Variants in KIF5B observed in about 807,000 individuals in gnomAD.
KIF5B encodes the protein kinesin-1 heavy chain.
In KIF5B, 49 loss-of-function variants were observed where a neutral mutation model predicts 132.8. The ratio of observed to expected loss-of-function variants is 0.37; its 90% CI spans 0.29 to 0.47. KIF5B has a LOEUF of 0.47. Ranked by LOEUF, KIF5B falls within the 20% of genes least tolerant of loss-of-function variation. The pLI is 1.00. For synonymous variants in KIF5B, 355 were observed against 369.4 expected, an observed-to-expected ratio of 0.96 and a Z score of 0.45; for missense variants, 780 against 1,144.0, an observed-to-expected ratio of 0.68 and a Z score of 4.59.
At chr10:32,028,385 T>C in intron 15 of KIF5B, 43 bp downstream of exon 15, 1 of 1,499,388 alleles carries the variant, frequency 6.7e-7, no homozygotes, top group Non-Finnish European at 9.2e-7. Context: ...AAAGTGCCAG[T>C]GTATACAGAT....
intron 15 of KIF5B, among the ~76,000 whole-genome samples, chr10:32,027,453 C>G (rs1841347751): frequency 1.3e-5 from 2 of 149,172 alleles, no homozygotes; most frequent in African/African-American, 4.9e-5. Context: ...AAACTGAAAA[C>G]TCTAGAGTTC....
In KIF5B at chr10:32,056,089, T is replaced by TGCGCC. The variant is rs768390316; in HGVS notation, c.-121_-117dup. The TGCGCC allele has an allele frequency of 7.1e-6, 9 of 1,267,748 alleles. No individual in the cohort carries two copies. Among genetic ancestry groups the TGCGCC allele is most frequent in the South Asian group, 5.6e-5 (4 of 71,636 alleles). 78.5% of individuals were successfully genotyped at this position (1,267,748 alleles called of 1,614,324 possible). The stretch of plus-strand genomic sequence containing the variant: ...AGGGCCGTGAGAGGCAGCAGTCAGC[T>TGCGCC]GCGCCGCGCTGCGCTTCCCCGGGTG... On this transcript the variant is annotated 5_prime_UTR_variant, in exon 1 of 26. Transcript: ENST00000302418.
chr10:32,011,743 A>G (rs1841083564), intron 25 of KIF5B, among the ~76,000 whole-genome samples: 1 of 152,160 alleles, frequency 6.6e-6, no homozygotes, highest in Non-Finnish European at 1.5e-5. Flanking sequence ...AGTAATGTTT[A>G]AAGGGAGGTC....
Position 32,056,085 on chromosome 10 carries a change from C to G in KIF5B, c.-112G>C. On this transcript the variant is annotated 5_prime_UTR_variant, in exon 1 of 26. Transcript: ENST00000302418. ...CGCGAGGGCCGTGAGAGGCAGCAGT[C>G]AGCTGCGCCGCGCTGCGCTTCCCCG... The G allele has an allele frequency of 7.4e-7, 1 of 1,353,020 alleles. No individual in the cohort carries two copies. Among genetic ancestry groups the G allele is most frequent in the Non-Finnish European group, 1.0e-6 (1 of 997,402 alleles). The allele number at this position is 1,353,020 out of a possible 1,614,324, so 83.8% of individuals were successfully genotyped here. A position where few individuals can be genotyped will look rare whatever the true frequency, so the allele number is the denominator to read the frequency against.
intron 17 of KIF5B, among the ~76,000 whole-genome samples, chr10:32,021,652 T>C (rs1841264507): frequency 6.6e-6 from 1 of 152,012 alleles, no homozygotes; most frequent in Non-Finnish European, 1.5e-5. Context: ...GCTATTTCCA[T>C]ATTCAAACAA....
chr10:32,016,059 G>A (rs1404163761), intron 24 of KIF5B, among the ~76,000 whole-genome samples: 1 of 152,092 alleles, frequency 6.6e-6, no homozygotes, highest in Non-Finnish European at 1.5e-5. Context: ...TGGGAGGATT[G>A]CATGACCCTG....
Position 32,040,472 on chromosome 10 carries a change from T to TTA in KIF5B, c.215-16_215-15insTA. The TTA allele has an allele frequency of 6.8e-7, 1 of 1,471,800 alleles. No homozygotes were observed. Among genetic ancestry groups the TTA allele is most frequent in the Non-Finnish European group, 9.5e-7 (1 of 1,050,916 alleles). 91.2% of individuals were successfully genotyped at this position (1,471,800 alleles called of 1,614,324 possible). A position where few individuals can be genotyped will look rare whatever the true frequency, so the allele number is the denominator to read the frequency against. Reference sequence around the variant, plus strand: ...TTCAAGTACATCTATGAGAAAAGATTTTATAGTTCAGGGGATTTTTTCCTT... The same window carrying TTA: ...TTCAAGTACATCTATGAGAAAAGATTTATTATAGTTCAGGGGATTTTTTCCTT... On this transcript the variant is annotated splice_polypyrimidine_tract_variant and intron_variant, in intron 2 of 25. Transcript: ENST00000302418.
chr10:32,044,528 A>T (rs1841584608), intron 2 of KIF5B, among the ~76,000 whole-genome samples: 1 of 152,084 alleles, frequency 6.6e-6, no homozygotes, highest in Non-Finnish European at 1.5e-5. Context: ...AAAAATTAGC[A>T]GGGTGTGGTG....
chr10:32,031,901 A>G (rs532492390), intron 13 of KIF5B, among the ~76,000 whole-genome samples: 1 of 149,718 alleles, frequency 6.7e-6, no homozygotes, highest in East Asian at 2.0e-4. Context: ...CGGGAGGCTG[A>G]GGCAGAAGAG....
chr10:32,041,725 A>C (rs922615187), intron 2 of KIF5B, among the ~76,000 whole-genome samples: 3 of 152,340 alleles, frequency 2.0e-5, no homozygotes, highest in Admixed American at 2.0e-4. Flanking sequence ...TCTTGGGTGT[A>C]GTAAGCTGCC....
At position 32,009,234 on chromosome 10, in the gene KIF5B, T is replaced by G. The variant is rs2132568031; in HGVS notation, c.*2303A>C. 1 of 152,336 alleles carries G rather than the reference T, an allele frequency of 6.6e-6. No individual in the cohort carries two copies. The highest frequency in any genetic ancestry group is 2.1e-4 in the South Asian group (1 of 4,830). The allele number at this position is 152,336 out of a possible 1,614,324, so 9.4% of individuals were successfully genotyped here. On this transcript the variant is annotated 3_prime_UTR_variant, in exon 26 of 26. Transcript: ENST00000302418. ...TGAGAGTTACGCACAGTAGTTTTCTTAAGTTAGGCAAATAATTTAATTAAT... is the reference window on the plus strand; with the variant it reads ...TGAGAGTTACGCACAGTAGTTTTCTGAAGTTAGGCAAATAATTTAATTAAT...
chr10:32,027,921 G>C (rs1388167393), intron 15 of KIF5B, among the ~76,000 whole-genome samples: 2 of 151,774 alleles, frequency 1.3e-5, no homozygotes, highest in Non-Finnish European at 2.9e-5. Flanking sequence ...AATCTTAATT[G>C]TTGTTCCAAT....
chr10:32,012,567 CA>C (rs921479050), intron 25 of KIF5B, among the ~76,000 whole-genome samples: 29 of 152,316 alleles, frequency 1.9e-4, no homozygotes, highest in African/African-American at 6.7e-4. Context: ...GGACCAGCAT[CA>C]AAACAAACCT....
chr10:32,037,471 G>GAT (rs1207732781), intron 7 of KIF5B, 49 bp downstream of exon 7: 1 of 1,585,494 alleles, frequency 6.3e-7, no homozygotes, highest in East Asian at 2.2e-5. Flanking sequence ...CCTGGATAAG[G>GAT]ATATTTTAAG....
chr10:32,028,797 G>C (rs1477638902), intron 14 of KIF5B, among the ~76,000 whole-genome samples: 1 of 152,142 alleles, frequency 6.6e-6, no homozygotes, highest in Non-Finnish European at 1.5e-5. Context: ...TTTCAATTAA[G>C]AGCAGGCAGT....
intron 2 of KIF5B, among the ~76,000 whole-genome samples, chr10:32,042,407 A>C (rs565352599): frequency 7.2e-5 from 11 of 152,324 alleles, no homozygotes; most frequent in African/African-American, 2.4e-4. Context: ...CTCTTCCTCT[A>C]ACCCAATTCC....
intron 1 of KIF5B, among the ~76,000 whole-genome samples, chr10:32,049,848 C>T (rs570456070): frequency 6.6e-6 from 1 of 151,744 alleles, no homozygotes; most frequent in Non-Finnish European, 1.5e-5. Context: ...TACTCAATGA[C>T]AAAGGTCAGA....
chr10:32,025,060 G>T (rs2132590779), intron 15 of KIF5B, among the ~76,000 whole-genome samples: 1 of 152,360 alleles, frequency 6.6e-6, no homozygotes, highest in African/African-American at 2.4e-5. Flanking sequence ...CTGGGTGACA[G>T]AGCGAGACTC....
chr10:32,056,204 G>T lies in KIF5B; in HGVS notation c.-231C>A. On this transcript the variant is annotated 5_prime_UTR_variant, in exon 1 of 26. Coordinates refer to ENST00000302418, the MANE Select transcript of KIF5B (RefSeq NM_004521.3). The stretch of plus-strand genomic sequence containing the variant: ...TCCGATCCATCATGGCAGCCATGGC[G>T]GCGGCAGCGGCGGCGGCACCGGGGA... 2.0e-6 allele frequency: 1 copy of T among 506,276 alleles called. No homozygotes were observed. Among genetic ancestry groups the T allele is most frequent in the Non-Finnish European group, 3.4e-6 (1 of 292,688 alleles). 31.4% of individuals were successfully genotyped at this position (506,276 alleles called of 1,614,324 possible).
Sources: allele counts gnomAD v4.1 joint callset (sites outside exome capture counted in the v4.1 genomes callset), GRCh38; gene constraint gnomAD v4.1.1; transcripts MANE v1.5; gene names NCBI Gene and HGNC (gene_info 2026-07-23, HGNC 2026-07-21).